The following MIPOL1 variants were observed in gnomAD, a reference collection of about 807,000 sequenced individuals.
MIPOL1 encodes mirror-image polydactyly gene 1 protein.
Under a neutral mutation model 60.9 loss-of-function variants are expected in MIPOL1, and 57 were observed. The ratio of observed to expected loss-of-function variants is 0.94; its 90% CI spans 0.76 to 1.17. MIPOL1 has a LOEUF of 1.17. MIPOL1 is among the 50% of genes most tolerant of loss of function. The probability of loss-of-function intolerance (pLI) is 0.00; values close to 1 mark genes in which losing one functional copy is unlikely to be tolerated. For missense variants in MIPOL1, 551 were observed against 511.6 expected, an observed-to-expected ratio of 1.08 and a Z score of -0.74; for synonymous variants, 179 against 168.8, an observed-to-expected ratio of 1.06 and a Z score of -0.47.
intron 9 of MIPOL1, among the ~76,000 whole-genome samples, chr14:37,343,059 G>A (rs868648398): frequency 3.3e-5 from 5 of 150,560 alleles, no homozygotes; most frequent in African/African-American, 7.3e-5. Context: ...CCTGGTGGGT[G>A]CTGATATGTT....
At chr14:37,503,697 A>T (rs1194706162) in intron 12 of MIPOL1, 1 of 152,216 alleles carries the variant, frequency 6.6e-6, no homozygotes, top group Non-Finnish European at 1.5e-5. Flanking sequence ...AACTGCATCA[A>T]TTTACGGGCA....
chr14:37,312,787 A>G lies in MIPOL1; in HGVS notation c.828+4268A>G, dbSNP rs936735211. Among the ~76,000 whole-genome samples the G allele has an allele frequency of 3.3e-5, 5 of 152,096 alleles. No homozygotes were observed. The South Asian group carries it at 8.3e-4, about 25-fold the overall frequency. On this transcript the variant is annotated intron_variant, in intron 9 of 12. Coordinates refer to ENST00000684589, the MANE Select transcript of MIPOL1 (RefSeq NM_001388067.1). ...GAATTATCTTACCAACCAGTCCTCTATTCTTTCTTTATCATTTTTTTGGCC... is the reference window on the plus strand; with the variant it reads ...GAATTATCTTACCAACCAGTCCTCTGTTCTTTCTTTATCATTTTTTTGGCC...
chr14:37,228,705 A>G (rs999860141), intron 1 of MIPOL1, among the ~76,000 whole-genome samples: 1 of 152,170 alleles, frequency 6.6e-6, no homozygotes, highest in African/African-American at 2.4e-5. Context: ...AAGGTCTGAA[A>G]CAATAATTAA....
At chr14:37,224,905 G>A (rs1969439778) in intron 1 of MIPOL1, among the ~76,000 whole-genome samples, 1 of 152,136 alleles carries the variant, frequency 6.6e-6, no homozygotes, top group Non-Finnish European at 1.5e-5. Context: ...AGATATAAAG[G>A]GGGTATAGGC....
intron 9 of MIPOL1, among the ~76,000 whole-genome samples, chr14:37,356,614 C>A (rs1595364262): frequency 6.6e-6 from 1 of 152,206 alleles, no homozygotes; most frequent in Non-Finnish European, 1.5e-5. Flanking sequence ...TCATGGTGAG[C>A]TGTTTTTTAA....
At position 37,515,811 on chromosome 14, in the gene MIPOL1, C is replaced by A. The variant is rs200496119; in HGVS notation, c.1262+15673C>A. On this transcript the variant is annotated intron_variant, in intron 12 of 12. Transcript: ENST00000684589. ...ATAATCACACCACAATGTGAGGTGA[C>A]CCTAAGACAGAGAACTGATCAGATA... is the stretch of plus-strand genomic sequence containing the variant. Among the ~76,000 whole-genome samples the A allele has an allele frequency of 5.9e-4, 90 of 152,232 alleles. No individual in the cohort carries two copies. In the South Asian group the frequency reaches 6.0e-3, roughly 10 times the overall value.
intron 11 of MIPOL1, among the ~76,000 whole-genome samples, chr14:37,498,180 TA>T (rs1218534690): frequency 6.6e-6 from 1 of 152,186 alleles, no homozygotes; most frequent in African/African-American, 2.4e-5. Context: ...GATTAGTACT[TA>T]CCTTTTGGGG....
At chr14:37,488,986 T>C (rs1216440908) in intron 11 of MIPOL1, among the ~76,000 whole-genome samples, 1 of 152,222 alleles carries the variant, frequency 6.6e-6, no homozygotes, top group African/African-American at 2.4e-5. Flanking sequence ...TGTTGGACTG[T>C]CTTGCTAGGT....
At chr14:37,358,943 C>A (rs2092037043) in intron 9 of MIPOL1, among the ~76,000 whole-genome samples, 1 of 152,138 alleles carries the variant, frequency 6.6e-6, no homozygotes, top group African/African-American at 2.4e-5. Flanking sequence ...CCTAGGTTTT[C>A]TTCTAGGGTT....
intron 10 of MIPOL1, among the ~76,000 whole-genome samples, chr14:37,382,770 A>T (rs1184363128): frequency 2.6e-5 from 4 of 151,890 alleles, no homozygotes; most frequent in Non-Finnish European, 5.9e-5. Flanking sequence ...CTCTCATCAA[A>T]TCCCCTTAAT....
At chr14:37,442,148 T>C (rs1014686172) in intron 11 of MIPOL1, among the ~76,000 whole-genome samples, 1 of 150,912 alleles carries the variant, frequency 6.6e-6, no homozygotes, top group African/African-American at 2.4e-5. Context: ...TAAATGGAAT[T>C]GCATTCTGGA....
intron 12 of MIPOL1, among the ~76,000 whole-genome samples, chr14:37,533,732 A>G (rs2095492635): frequency 6.6e-6 from 1 of 152,130 alleles, no homozygotes; most frequent in Non-Finnish European, 1.5e-5. Context: ...TTGGCATTGA[A>G]TTTGTTTTTT....
intron 11 of MIPOL1, among the ~76,000 whole-genome samples, chr14:37,431,569 CTTTTTTTTTTTTTTTTTTT>C (rs869258490): frequency 1.5e-5 from 1 of 64,832 alleles, no homozygotes; most frequent in Non-Finnish European, 2.6e-5. Flanking sequence ...ATCTCTGTTT[CTTTTTTTTTTTTTTTTTTT>C]TTTTTTTTGA....
At chr14:37,539,149 C>A (rs1165432385) in intron 12 of MIPOL1, among the ~76,000 whole-genome samples, 1 of 151,924 alleles carries the variant, frequency 6.6e-6, no homozygotes, top group African/African-American at 2.4e-5. Context: ...TTGCAGTGAG[C>A]CGAGATCGTG....
chr14:37,405,796 G>C (rs1371119767), intron 10 of MIPOL1, among the ~76,000 whole-genome samples: 1 of 151,520 alleles, frequency 6.6e-6, no homozygotes, highest in African/African-American at 2.4e-5. Flanking sequence ...TTCTTTGCTA[G>C]ATATGAATTA....
At chr14:37,241,756 A>G (rs1278669822) in intron 1 of MIPOL1, among the ~76,000 whole-genome samples, 1 of 152,142 alleles carries the variant, frequency 6.6e-6, no homozygotes, top group African/African-American at 2.4e-5. Flanking sequence ...AATTTTTTAA[A>G]CTTTAGAACC....
chr14:37,442,207 T>C (rs2094259884), intron 11 of MIPOL1, among the ~76,000 whole-genome samples: 1 of 152,010 alleles, frequency 6.6e-6, no homozygotes, highest in Non-Finnish European at 1.5e-5. Context: ...CTACTGATTG[T>C]TGTATATTGA....
At chr14:37,335,131 A>G (rs1369588845) in intron 9 of MIPOL1, among the ~76,000 whole-genome samples, 1 of 152,086 alleles carries the variant, frequency 6.6e-6, no homozygotes, top group African/African-American at 2.4e-5. Context: ...CCAACAATTT[A>G]TGAAGGGTCC....
chr14:37,442,304 A>G lies in MIPOL1; in HGVS notation c.1031+19355A>G, dbSNP rs192954718. 9.2e-5 allele frequency among the ~76,000 whole-genome samples: 14 copies of G among 152,246 alleles called. No individual in the cohort carries two copies. In the East Asian group the frequency reaches 9.6e-4, roughly 10 times the overall value. On this transcript the variant is annotated intron_variant, in intron 11 of 12. Transcript: ENST00000684589. ...TTTAGGGTATTTTAGGTATAAAATC[A>G]TATTGTCAACAAAGAGAGATGGTTT...
Sources: allele counts gnomAD v4.1 joint callset (sites outside exome capture counted in the v4.1 genomes callset), GRCh38; gene constraint gnomAD v4.1.1; transcripts MANE v1.5; gene names NCBI Gene and HGNC (gene_info 2026-07-23, HGNC 2026-07-21).